The following HELLS variants were observed in gnomAD, a reference collection of about 807,000 sequenced individuals.
HELLS encodes lymphoid-specific helicase.
HELLS carries 32 observed loss-of-function variants against 120.0 expected under a neutral mutation model. That is an observed-to-expected ratio of 0.27 (90% CI 0.20 to 0.36). The LOEUF (loss-of-function observed/expected upper bound fraction) is 0.36. Among genes scored for constraint, HELLS ranks in the 10% least tolerant of loss-of-function variants. The probability of loss-of-function intolerance (pLI) is 1.00; values close to 1 mark genes in which losing one functional copy is unlikely to be tolerated. For missense variants in HELLS, 650 were observed against 993.4 expected, an observed-to-expected ratio of 0.65 and a Z score of 4.65; for synonymous variants, 341 against 323.4, an observed-to-expected ratio of 1.05 and a Z score of -0.58.
intron 9 of HELLS, 125 bp from the exon 10 acceptor site, chr10:94,576,536 AT>A: frequency 2.0e-6 from 1 of 502,608 alleles, no homozygotes; most frequent in South Asian, 5.6e-5. Context: ...TTATTTTGCT[AT>A]AGAAAAATAG....
rs188795325 is a variant in HELLS, at chr10:94,595,501, T to C, written c.2248+647T>C. On this transcript the variant is annotated intron_variant, in intron 19 of 21. Coordinates refer to ENST00000348459, the MANE Select transcript of HELLS (RefSeq NM_018063.5). ...GTATTTAAGTGTTATAAAAAATCTA[T>C]TTATTTATTGAACCCACTGTTTCAC... Among the ~76,000 whole-genome samples, 256 of 152,336 alleles carry C rather than the reference T, an allele frequency of 1.7e-3. 3 individuals carry two copies. Among genetic ancestry groups the C allele is most frequent in the Admixed American group, 3.7e-3 (56 of 15,308 alleles).
In HELLS at chr10:94,564,860, G is replaced by A. The variant is rs1280633789; in HGVS notation, c.435+1984G>A. 2.0e-5 allele frequency among the ~76,000 whole-genome samples: 3 copies of A among 151,924 alleles called. No homozygotes were observed. The East Asian group carries it at 5.8e-4, about 29-fold the overall frequency. On this transcript the variant is annotated intron_variant, in intron 6 of 21. Coordinates refer to ENST00000348459, the MANE Select transcript of HELLS (RefSeq NM_018063.5). ...TCCTCACGCCTTTATCTCCCAAAGT[G>A]CTGCGATTACAGGCATGAGGCACCA...
Position 94,554,263 on chromosome 10 carries a change from C to T in HELLS, c.276+15C>T. 1.4e-6 allele frequency: 2 copies of T among 1,477,932 alleles called. No individual in the cohort carries two copies. The highest frequency in any genetic ancestry group is 1.8e-6 in the Non-Finnish European group (2 of 1,111,426). 91.6% of individuals were successfully genotyped at this position (1,477,932 alleles called of 1,614,324 possible). ...AACAATTAGAGGTATGTATATGTAA[C>T]TGACTACAAGTGAAAGCTTAAAAAA... On this transcript the variant is annotated intron_variant, in intron 3 of 21. Transcript: ENST00000348459.
At chr10:94,590,351 A>G in intron 13 of HELLS, 62 bp from the exon 14 acceptor site, 1 of 1,386,166 alleles carries the variant, frequency 7.2e-7, no homozygotes, top group Non-Finnish European at 9.8e-7. Context: ...TATTTTGTTT[A>G]CATTTAGAAC....
At chr10:94,562,906 A>G (rs754803992) in intron 6 of HELLS, 30 bp downstream of exon 6, 6 of 1,331,526 alleles carry the variant, frequency 4.5e-6, no homozygotes, top group African/African-American at 1.5e-5. Context: ...GGCACCTAAC[A>G]TTTGATGTTG....
chr10:94,584,240 T>C, intron 12 of HELLS: 1 of 405,534 alleles, frequency 2.5e-6, no homozygotes, highest in Non-Finnish European at 4.3e-6. Context: ...TGTTGGAATA[T>C]TTATTTATTA....
At chr10:94,571,611 TTTAG>T (rs1230583283) in intron 7 of HELLS, among the ~76,000 whole-genome samples, 182 bp downstream of exon 7, 3 of 152,196 alleles carry the variant, frequency 2.0e-5, no homozygotes, top group Admixed American at 2.0e-4. Flanking sequence ...ATGTATCAAC[TTTAG>T]TTAGTTGTTT....
At position 94,580,142 on chromosome 10, in the gene HELLS, TATATATATATATATATATATACACAC is replaced by T. The variant is rs1317212601; in HGVS notation, c.1033-1182_1033-1157del. Among the ~76,000 whole-genome samples, 28 of 72,388 alleles carry T rather than the reference TATATATATATATATATATATACACAC, an allele frequency of 3.9e-4. 1 individual carries two copies. The highest frequency in any genetic ancestry group is 1.6e-3 in the African/African-American group (21 of 13,200). 47.5% of individuals were successfully genotyped at this position (72,388 alleles called of 152,430 possible). A position where few individuals can be genotyped will look rare whatever the true frequency, so the allele number is the denominator to read the frequency against. ...GTATATATATATATATATATATATA[TATATATATATATATATATATACACAC>T]ACACACACACACACACATTTTTTTT... On this transcript the variant is annotated intron_variant, in intron 10 of 21. Transcript: ENST00000348459.
chr10:94,583,621 T>A (rs1844981321), intron 12 of HELLS, among the ~76,000 whole-genome samples: 1 of 152,138 alleles, frequency 6.6e-6, no homozygotes, highest in South Asian at 2.1e-4. Context: ...AAAATATCAC[T>A]TCCTCTTAAA....
At position 94,595,006 on chromosome 10, in the gene HELLS, G is replaced by A. The variant is rs536244034; in HGVS notation, c.2248+152G>A. 2.2e-4 allele frequency: 129 copies of A among 573,872 alleles called. No individual in the cohort carries two copies. The African/African-American group carries it at 2.3e-3, about 10-fold the overall frequency. 35.5% of individuals were successfully genotyped at this position (573,872 alleles called of 1,614,324 possible). A position where few individuals can be genotyped will look rare whatever the true frequency, so the allele number is the denominator to read the frequency against. ...GTACTTTGGGATGCCAAGGTGAGTG[G>A]ATCACGAGGTCAGGAGTTCGAGACC... On this transcript the variant is annotated intron_variant, in intron 19 of 21. Transcript: ENST00000348459.
chr10:94,553,916 TATA>T (rs977993301), intron 2 of HELLS, among the ~76,000 whole-genome samples: 3 of 152,198 alleles, frequency 2.0e-5, no homozygotes, highest in Non-Finnish European at 4.4e-5. Flanking sequence ...TATTTGAAAT[TATA>T]ATATTTTGAT....
intron 4 of HELLS, among the ~76,000 whole-genome samples, chr10:94,559,378 G>A (rs1843435123): frequency 6.6e-6 from 1 of 152,128 alleles, no homozygotes; most frequent in Non-Finnish European, 1.5e-5. Flanking sequence ...TCTTGGGTAA[G>A]CTTCATTGAG....
At chr10:94,563,435 T>G (rs893373264) in intron 6 of HELLS, among the ~76,000 whole-genome samples, 1 of 152,102 alleles carries the variant, frequency 6.6e-6, no homozygotes, top group Non-Finnish European at 1.5e-5. Context: ...TAGGTTGTTC[T>G]GGTTTTCTTT....
chr10:94,568,906 A>G (rs1386566942), intron 6 of HELLS, among the ~76,000 whole-genome samples: 1 of 150,966 alleles, frequency 6.6e-6, no homozygotes, highest in African/African-American at 2.4e-5. Context: ...CAGTGGCATG[A>G]TCTTGGCTCA....
At chr10:94,556,066 C>T (rs149586400) in intron 3 of HELLS, among the ~76,000 whole-genome samples, 3 of 152,292 alleles carry the variant, frequency 2.0e-5, no homozygotes, top group East Asian at 3.9e-4. Flanking sequence ...ACAGGTAAGG[C>T]GACTTGGGCC....
chr10:94,558,987 A>G (rs1167653711), intron 4 of HELLS, among the ~76,000 whole-genome samples: 2 of 152,192 alleles, frequency 1.3e-5, no homozygotes, highest in Non-Finnish European at 2.9e-5. Flanking sequence ...GCAAGGAGAT[A>G]AAGAACAATC....
chr10:94,609,063 G>T (rs1460646456), intron 9 of HELLS, among the ~76,000 whole-genome samples: 1 of 111,926 alleles, frequency 8.9e-6, no homozygotes, highest in African/African-American at 3.7e-5. Context: ...CGCTCTTACT[G>T]CCCAGGCTGG....
At chr10:94,589,457 A>G (rs1289102911) in intron 13 of HELLS, among the ~76,000 whole-genome samples, 1 of 152,172 alleles carries the variant, frequency 6.6e-6, no homozygotes, top group Non-Finnish European at 1.5e-5. Context: ...GTTATTGATA[A>G]CCAAAAAGAT....
At chr10:94,580,070 A>G (rs1844746955) in intron 10 of HELLS, among the ~76,000 whole-genome samples, 1 of 141,370 alleles carries the variant, frequency 7.1e-6, no homozygotes, top group East Asian at 2.1e-4. Flanking sequence ...CAGATTCCTC[A>G]TCATTTATTT....
Sources: allele counts gnomAD v4.1 joint callset (sites outside exome capture counted in the v4.1 genomes callset), GRCh38; gene constraint gnomAD v4.1.1; transcripts MANE v1.5; gene names NCBI Gene and HGNC (gene_info 2026-07-23, HGNC 2026-07-21).